Variants in FRYL observed in about 807,000 individuals in gnomAD.
The protein encoded by FRYL is FRY like transcription coactivator.
Under a neutral mutation model 351.2 loss-of-function variants are expected in FRYL, and 150 were observed. The observed-to-expected ratio is 0.43, with a 90% CI of 0.37 to 0.49. The LOEUF (loss-of-function observed/expected upper bound fraction) is 0.49. Ranked by LOEUF, FRYL falls within the 20% of genes least tolerant of loss-of-function variation. The pLI is 0.00. For synonymous variants in FRYL, 1,153 were observed against 1,257.1 expected (o/e 0.92, Z 1.75); for missense variants, 3,036 against 3,619.3 (o/e 0.84, Z 4.13).
In FRYL at chr4:48,619,940, A is replaced by T. The variant is rs573661169; in HGVS notation, c.315-570T>A. On this transcript the variant is annotated intron_variant, in intron 6 of 63. Transcript: ENST00000358350. ...TAAAAGAATTAGTAAGAAGAAGAAA[A>T]GTATTTTAAATTTCATTTAGAAAAT... Among the ~76,000 whole-genome samples, 3 of 152,252 alleles carry T rather than the reference A, an allele frequency of 2.0e-5. No homozygotes were observed. The South Asian group carries it at 6.2e-4, about 32-fold the overall frequency.
In FRYL at chr4:48,622,802, A is replaced by G. The variant is rs536496559; in HGVS notation, c.174+324T>C. Among the ~76,000 whole-genome samples, 271 of 152,302 alleles carry G rather than the reference A, an allele frequency of 1.8e-3. 2 individuals carry two copies. The highest frequency in any genetic ancestry group is 6.1e-3 in the African/African-American group (253 of 41,576). On this transcript the variant is annotated intron_variant, in intron 5 of 63. Transcript: ENST00000358350. ...TTGAGAGCCCCACAGAAAAATAAAT[A>G]AATGTTAAAAGGTAAAATATTATTA...
chr4:48,721,167 C>T (rs1009507150), intron 1 of FRYL, among the ~76,000 whole-genome samples: 40 of 152,140 alleles, frequency 2.6e-4, no homozygotes, highest in African/African-American at 9.7e-4. Flanking sequence ...CTAACATATG[C>T]TTGGTTTTAT....
intron 19 of FRYL, among the ~76,000 whole-genome samples, chr4:48,585,263 G>T (rs573630157): frequency 2.0e-5 from 3 of 152,144 alleles, no homozygotes; most frequent in Non-Finnish European, 4.4e-5. Flanking sequence ...AAAAAATTAG[G>T]AGACTGTGCG....
intron 1 of FRYL, among the ~76,000 whole-genome samples, chr4:48,722,426 C>A (rs1188842612): frequency 6.6e-6 from 1 of 152,138 alleles, no homozygotes; most frequent in African/African-American, 2.4e-5. Context: ...ACTGAATACA[C>A]ACTACTGACT....
intron 3 of FRYL, among the ~76,000 whole-genome samples, chr4:48,663,808 T>G (rs1465310998): frequency 1.4e-5 from 2 of 142,876 alleles, no homozygotes; most frequent in Non-Finnish European, 3.0e-5. Flanking sequence ...GAGATCCCCT[T>G]GTGTCCTTGG....
chr4:48,521,139 C>G lies in FRYL; in HGVS notation c.7598G>C (p.Gly2533Ala). 6.2e-7 allele frequency: 1 copy of G among 1,613,100 alleles called. No individual in the cohort carries two copies. Among genetic ancestry groups the G allele is most frequent in the Non-Finnish European group, 8.5e-7 (1 of 1,179,210 alleles). ...DLLLQSEDST[G>A]SITTEEVLQI... ...AAGCACTTCCTCTGTTGTGATGCTG[C>G]CAGTGGAATCTTCAGACTGGAGAAG... Residue 2533 changes from glycine (G) to alanine (A), a missense_variant, in exon 55 of 64, where the codon GGC becomes GCC. Coordinates refer to ENST00000358350, the MANE Select transcript of FRYL (RefSeq NM_015030.2).
At chr4:48,659,407 GAA>G (rs1275972601) in intron 3 of FRYL, among the ~76,000 whole-genome samples, 1 of 4,690 alleles carries the variant, frequency 2.1e-4, no homozygotes, top group African/African-American at 2.3e-4. Flanking sequence ...AGGAGAAGGA[GAA>G]GGAGAAGGAG....
intron 11 of FRYL, among the ~76,000 whole-genome samples, chr4:48,604,910 A>G (rs1746456444): frequency 1.3e-5 from 2 of 152,144 alleles, no homozygotes; most frequent in South Asian, 2.1e-4. Context: ...AATCTCAGCC[A>G]TCTGGGAGAA....
intron 1 of FRYL, among the ~76,000 whole-genome samples, chr4:48,736,908 T>C (rs2149638437): frequency 7.9e-6 from 1 of 126,128 alleles, no homozygotes; most frequent in Admixed American, 7.9e-5. Context: ...CTATGAACAA[T>C]GTGATCAATA....
intron 1 of FRYL, among the ~76,000 whole-genome samples, chr4:48,711,837 C>A (rs554788988): frequency 9.7e-4 from 148 of 152,314 alleles, no homozygotes; most frequent in Non-Finnish European, 1.7e-3. Flanking sequence ...CAGACTGACA[C>A]CTCACACGGC....
At chr4:48,677,417 G>GA (rs965804330) in intron 3 of FRYL, among the ~76,000 whole-genome samples, 2 of 143,968 alleles carry the variant, frequency 1.4e-5, no homozygotes, top group Non-Finnish European at 3.1e-5. Flanking sequence ...GTGTGTTTTT[G>GA]TTTTTTTTTT....
intron 2 of FRYL, among the ~76,000 whole-genome samples, chr4:48,701,673 A>C (rs1381798355): frequency 6.6e-6 from 1 of 152,238 alleles, no homozygotes; most frequent in Non-Finnish European, 1.5e-5. Context: ...AATCCTTGTC[A>C]ATAGACAGAC....
chr4:48,716,825 A>C (rs1030561138), intron 1 of FRYL, among the ~76,000 whole-genome samples: 7 of 151,504 alleles, frequency 4.6e-5, no homozygotes, highest in Non-Finnish European at 7.4e-5. Context: ...ATGCACATGT[A>C]TGTTTATTGT....
intron 3 of FRYL, among the ~76,000 whole-genome samples, chr4:48,656,355 A>ATATATTATATAATATATACTAAT (rs1759069257): frequency 7.4e-6 from 1 of 134,810 alleles, no homozygotes; most frequent in Non-Finnish European, 1.5e-5. Context: ...TATATACTAA[A>ATATATTATATAATATATACTAAT]TATATTATAT....
At chr4:48,573,735 G>GA (rs1357696467) in intron 25 of FRYL, among the ~76,000 whole-genome samples, 2 of 152,006 alleles carry the variant, frequency 1.3e-5, no homozygotes, top group Non-Finnish European at 2.9e-5. Context: ...ATTTTTAGTA[G>GA]AAACAGGGTT....
intron 48 of FRYL, among the ~76,000 whole-genome samples, chr4:48,535,276 G>C (rs1266734448): frequency 3.2e-5 from 4 of 123,338 alleles, no homozygotes; most frequent in Non-Finnish European, 7.6e-5. Context: ...CATTCTCTAG[G>C]ATCAGGACCA....
At chr4:48,741,308 C>T (rs1248295287) in intron 1 of FRYL, among the ~76,000 whole-genome samples, 1 of 152,104 alleles carries the variant, frequency 6.6e-6, no homozygotes, top group African/African-American at 2.4e-5. Flanking sequence ...CTTTGGGAGG[C>T]CGAGGCAGGC....
intron 55 of FRYL, among the ~76,000 whole-genome samples, chr4:48,517,542 A>G (rs185368736): frequency 3.9e-4 from 59 of 152,326 alleles, no homozygotes; most frequent in Admixed American, 3.5e-3. Context: ...TGACACATGC[A>G]CATATGCTTT....
chr4:48,670,259 C>T (rs1762434890), intron 3 of FRYL, among the ~76,000 whole-genome samples: 2 of 151,572 alleles, frequency 1.3e-5, no homozygotes, highest in East Asian at 3.9e-4. Context: ...CATGGTGAAA[C>T]CCATCTCTAC....
Sources: gnomAD v4.1 joint callset for allele counts (sites outside exome capture counted in the v4.1 genomes callset) on GRCh38, gnomAD v4.1.1 for gene constraint, MANE v1.5 for transcripts, NCBI Gene and HGNC (gene_info 2026-07-23, HGNC 2026-07-21) for gene names.